EFR3A: variants seen among roughly 807,000 people sequenced by gnomAD.
EFR3A encodes EFR3 homolog A.
Under a neutral mutation model 104.4 loss-of-function variants are expected in EFR3A, and 76 were observed. The observed-to-expected ratio is 0.73, with a 90% CI of 0.60 to 0.88. The LOEUF (loss-of-function observed/expected upper bound fraction) is 0.88, where lower values mean the gene tolerates loss of function less well. EFR3A is among the 40% of genes least tolerant of loss of function. The pLI, the probability that EFR3A is intolerant of heterozygous loss-of-function variation, is 0.00. For missense variants in EFR3A, 985 were observed against 1,012.5 expected (o/e 0.97, Z 0.37); for synonymous variants, 330 against 330.0 (o/e 1.00, Z 0.00).
At chr8:131,983,407 G>A (rs1238032079) in intron 14 of EFR3A, among the ~76,000 whole-genome samples, 1 of 152,118 alleles carries the variant, frequency 6.6e-6, no homozygotes, top group Non-Finnish European at 1.5e-5. Flanking sequence ...AGTTAGAGTT[G>A]AGAGCTAATT....
intron 2 of EFR3A, 84 bp from the exon 3 acceptor site, chr8:131,944,661 A>G: frequency 7.5e-7 from 1 of 1,336,284 alleles, no homozygotes; most frequent in East Asian, 2.6e-5. Flanking sequence ...CAATCCAGAA[A>G]GGGAAATTGT....
chr8:131,966,795 T>G (rs573178713), intron 8 of EFR3A, among the ~76,000 whole-genome samples: 12 of 152,170 alleles, frequency 7.9e-5, no homozygotes, highest in Non-Finnish European at 1.3e-4. Context: ...GCCTTAAACT[T>G]CAGTGTAAGG....
At chr8:131,923,461 C>T (rs1159267201) in intron 1 of EFR3A, among the ~76,000 whole-genome samples, 9 of 148,058 alleles carry the variant, frequency 6.1e-5, no homozygotes, top group Non-Finnish European at 4.5e-5. Flanking sequence ...TCTGTATAAA[C>T]TTCACGGCCT....
chr8:131,936,895 T>C (rs2130533742), intron 1 of EFR3A, among the ~76,000 whole-genome samples: 1 of 152,192 alleles, frequency 6.6e-6, no homozygotes, highest in African/African-American at 2.4e-5. Flanking sequence ...GGTTTTTTTA[T>C]AGAGGCTTCA....
intron 22 of EFR3A, among the ~76,000 whole-genome samples, chr8:132,010,164 T>C (rs1274055600): frequency 6.6e-6 from 1 of 151,744 alleles, no homozygotes; most frequent in Non-Finnish European, 1.5e-5. Context: ...TTTGTAACAG[T>C]GTAAAAGGCA....
chr8:131,993,880 A>G (rs1400797447), intron 18 of EFR3A, among the ~76,000 whole-genome samples: 2 of 152,124 alleles, frequency 1.3e-5, no homozygotes, highest in Admixed American at 1.3e-4. Context: ...GAGCTGAATG[A>G]TGAGAACACA....
intron 22 of EFR3A, among the ~76,000 whole-genome samples, chr8:132,005,354 A>G (rs557952156): frequency 6.6e-6 from 1 of 152,112 alleles, no homozygotes; most frequent in Non-Finnish European, 1.5e-5. Context: ...CATAAAAGAA[A>G]CAGAACAACA....
intron 19 of EFR3A, among the ~76,000 whole-genome samples, chr8:131,997,524 T>C (rs1379795052): frequency 6.6e-6 from 1 of 152,070 alleles, no homozygotes; most frequent in Non-Finnish European, 1.5e-5. Flanking sequence ...TCAAGAGTAG[T>C]TGAAGAAGCA....
intron 1 of EFR3A, among the ~76,000 whole-genome samples, chr8:131,910,963 G>C (rs1281473002): frequency 6.6e-6 from 1 of 152,168 alleles, no homozygotes; most frequent in African/African-American, 2.4e-5. Flanking sequence ...AGAGAAGAAA[G>C]AGTGGACCGG....
At chr8:132,008,882 T>G (rs1822181026) in intron 22 of EFR3A, among the ~76,000 whole-genome samples, 1 of 127,240 alleles carries the variant, frequency 7.9e-6, no homozygotes, top group African/African-American at 2.7e-5. Context: ...AAAGAAAGTG[T>G]TCATTATCTC....
chr8:131,925,630 T>C (rs1817258886), intron 1 of EFR3A, among the ~76,000 whole-genome samples: 3 of 152,074 alleles, frequency 2.0e-5, no homozygotes, highest in Admixed American at 2.0e-4. Context: ...CTTAGTAATA[T>C]GTTTCCTGTG....
intron 13 of EFR3A, 85 bp from the exon 14 acceptor site, chr8:131,979,258 CCTA>C (rs1820478544): frequency 2.6e-6 from 3 of 1,144,176 alleles, no homozygotes; most frequent in Non-Finnish European, 3.7e-6. Flanking sequence ...TTATCAAACT[CCTA>C]AGTATAAATA....
At position 131,944,219 on chromosome 8, in the gene EFR3A, A is replaced by G. The variant is rs568410732; in HGVS notation, c.88-526A>G. 3.3e-5 allele frequency among the ~76,000 whole-genome samples: 5 copies of G among 152,174 alleles called. No homozygotes were observed. The South Asian group carries it at 8.3e-4, about 25-fold the overall frequency. The stretch of plus-strand genomic sequence containing the variant: ...AGACAAATGACCGTTTTATAATCCC[A>G]TATCAGGGACCTGTTGTTGCTTTTT... On this transcript the variant is annotated intron_variant, in intron 2 of 22. Transcript: ENST00000254624.
At position 131,986,190 on chromosome 8, in the gene EFR3A, T is replaced by G. The variant is rs1270919495; in HGVS notation, c.1870-4T>G. The G allele has an allele frequency of 6.4e-7, 1 of 1,557,880 alleles. No individual in the cohort carries two copies. The highest frequency in any genetic ancestry group is 1.7e-5 in the Admixed American group (1 of 58,604). ...TTTTTGTTCTGTTTTTGAATATTTT[T>G]TAGGTTATTGAAATTCGAACTATGG... On this transcript the variant is annotated splice_region_variant and splice_polypyrimidine_tract_variant and intron_variant, in intron 16 of 22. Coordinates refer to ENST00000254624, the MANE Select transcript of EFR3A (RefSeq NM_015137.6).
intron 10 of EFR3A, 25 bp from the exon 11 acceptor site, chr8:131,976,002 A>G (rs1820307593): frequency 3.5e-6 from 5 of 1,424,544 alleles, no homozygotes; most frequent in Admixed American, 4.2e-5. Context: ...TTCAGTTTCT[A>G]AAATTTGTCT....
chr8:131,966,218 T>A (rs1334297084), intron 8 of EFR3A, among the ~76,000 whole-genome samples: 2 of 151,824 alleles, frequency 1.3e-5, no homozygotes, highest in Non-Finnish European at 2.9e-5. Context: ...AATAAAAAAA[T>A]AAATAAATAA....
intron 22 of EFR3A, among the ~76,000 whole-genome samples, chr8:132,010,411 T>TAC (rs1420240357): frequency 1.4e-3 from 27 of 19,144 alleles, no homozygotes; most frequent in African/African-American, 5.5e-3. Flanking sequence ...GTATGAGATA[T>TAC]ATATATATAT....
chr8:131,971,659 G>A (rs1425706648), intron 10 of EFR3A, among the ~76,000 whole-genome samples: 2 of 148,612 alleles, frequency 1.3e-5, no homozygotes, highest in East Asian at 3.9e-4. Context: ...CTGCACTCCA[G>A]TCTGGGCGAC....
At chr8:131,950,234 CTGAAG>C in intron 5 of EFR3A, 144 bp downstream of exon 5, 1 of 890,212 alleles carries the variant, frequency 1.1e-6, no homozygotes, top group East Asian at 2.8e-5. Context: ...TAATTGCTGA[CTGAAG>C]TAGCAAAATG....
Sources: allele counts gnomAD v4.1 joint callset (sites outside exome capture counted in the v4.1 genomes callset), GRCh38; gene constraint gnomAD v4.1.1; transcripts MANE v1.5; gene names NCBI Gene and HGNC (gene_info 2026-07-23, HGNC 2026-07-21).